The following PRUNE2 variants were observed in gnomAD, a reference collection of about 807,000 sequenced individuals.
PRUNE2 encodes protein prune homolog 2.
In PRUNE2, 164 loss-of-function variants were observed where a neutral mutation model predicts 252.0. The ratio of observed to expected loss-of-function variants is 0.65; its 90% CI spans 0.57 to 0.74. The LOEUF is 0.74. PRUNE2 is among the 30% of genes least tolerant of loss of function. The pLI is 0.00. For synonymous variants in PRUNE2, 1,292 were observed against 1,350.2 expected, an observed-to-expected ratio of 0.96 and a Z score of 0.94; for missense variants, 3,495 against 3,711.0, an observed-to-expected ratio of 0.94 and a Z score of 1.51.
chr9:76,713,402 TA>T (rs1484360295), intron 7 of PRUNE2, among the ~76,000 whole-genome samples, 160 bp downstream of exon 7: 1 of 152,164 alleles, frequency 6.6e-6, no homozygotes, highest in Non-Finnish European at 1.5e-5. Flanking sequence ...AGGCCAAATG[TA>T]AAAAGTACCC....
At chr9:76,731,288 A>C (rs7852129) in intron 6 of PRUNE2, among the ~76,000 whole-genome samples, 11,717 of 71,490 alleles carry the variant, frequency 0.16, 1,403 homozygotes, top group African/African-American at 0.41. Flanking sequence ...CTCTCTATCT[A>C]TCTATCTATC....
At position 76,743,915 on chromosome 9, in the gene PRUNE2, A is replaced by G. The variant is rs546371163; in HGVS notation, c.757-30194T>C. Among the ~76,000 whole-genome samples, 3 of 152,354 alleles carry G rather than the reference A, an allele frequency of 2.0e-5. No homozygotes were observed. The East Asian group carries it at 5.8e-4, about 29-fold the overall frequency. ...TTGCATCATTTTTCTTAATAAAACA[A>G]GCTAGCATTCTTTTTGCAATTTAAA... On this transcript the variant is annotated intron_variant, in intron 6 of 18. Transcript: ENST00000376718.
intron 6 of PRUNE2, among the ~76,000 whole-genome samples, chr9:76,766,471 T>C (rs928524661): frequency 1.3e-5 from 2 of 152,174 alleles, no homozygotes; most frequent in Non-Finnish European, 2.9e-5. Flanking sequence ...AAAACACATA[T>C]TAGATTCTGC....
intron 4 of PRUNE2, among the ~76,000 whole-genome samples, chr9:76,843,000 C>A (rs887888877): frequency 7.9e-5 from 12 of 152,272 alleles, no homozygotes; most frequent in East Asian, 3.9e-4. Context: ...GATTATAAAT[C>A]ATTCTATCAT....
intron 7 of PRUNE2, among the ~76,000 whole-genome samples, chr9:76,712,725 G>C (rs577324266): frequency 6.6e-6 from 1 of 152,288 alleles, no homozygotes; most frequent in East Asian, 1.9e-4. Flanking sequence ...AAATGCAGAG[G>C]AAAGTGATGA....
At chr9:76,740,774 C>A (rs1433671592) in intron 6 of PRUNE2, among the ~76,000 whole-genome samples, 1 of 151,976 alleles carries the variant, frequency 6.6e-6, no homozygotes, top group African/African-American at 2.4e-5. Context: ...GGTAGATAAC[C>A]AAAATTCCTC....
At chr9:76,793,031 C>T (rs2055706991) in intron 6 of PRUNE2, among the ~76,000 whole-genome samples, 1 of 152,182 alleles carries the variant, frequency 6.6e-6, no homozygotes, top group Non-Finnish European at 1.5e-5. Flanking sequence ...AAGAATTTGT[C>T]CAAAGTTAAA....
intron 6 of PRUNE2, among the ~76,000 whole-genome samples, chr9:76,810,660 T>C (rs2057297608): frequency 6.6e-6 from 1 of 152,218 alleles, no homozygotes; most frequent in Non-Finnish European, 1.5e-5. Flanking sequence ...ACAGTAACTA[T>C]CCTAAATTAT....
chr9:76,644,852 G>A lies in PRUNE2; in HGVS notation c.8615C>T (p.Ala2872Val), dbSNP rs2132962180. The part of the protein sequence containing the change: ...QESESIPEYT[A>V]EEEREDNRLW... ...CCGGTTGTCCTCCCGTTCCTCTTCG[G>A]CCGTATATTCTGGAATAGACTCTGA... The change falls in exon 12 of 19, where the codon GCC becomes GTC. Residue 2872 changes from alanine (A) to valine (V), a missense_variant. By Grantham distance (64) the Ala-to-Val change is moderately conservative (BLOSUM62 0). Coordinates refer to ENST00000376718, the MANE Select transcript of PRUNE2 (RefSeq NM_015225.3). 3 of 1,613,856 alleles carry A rather than the reference G, an allele frequency of 1.9e-6. No individual in the cohort carries two copies. The East Asian group carries it at 6.7e-5, about 36-fold the overall frequency.
At chr9:76,768,359 A>T (rs575083645) in intron 6 of PRUNE2, among the ~76,000 whole-genome samples, 1 of 151,846 alleles carries the variant, frequency 6.6e-6, no homozygotes, top group African/African-American at 2.4e-5. Flanking sequence ...TGCCCAGTTA[A>T]TTTTTGTATT....
intron 1 of PRUNE2, among the ~76,000 whole-genome samples, chr9:76,867,480 G>A (rs2060917060): frequency 6.6e-6 from 1 of 152,306 alleles, no homozygotes; most frequent in Middle Eastern, 3.4e-3. Flanking sequence ...AGAGCTGTCA[G>A]GTTGATTCAG....
intron 13 of PRUNE2, among the ~76,000 whole-genome samples, chr9:76,637,975 T>C (rs780265553): frequency 4.6e-5 from 7 of 152,352 alleles, no homozygotes; most frequent in Non-Finnish European, 8.8e-5. Flanking sequence ...CAAAATTCTG[T>C]TCATCTTGGT....
At chr9:76,621,875 G>A (rs1832487709) in intron 17 of PRUNE2, among the ~76,000 whole-genome samples, 1 of 151,672 alleles carries the variant, frequency 6.6e-6, no homozygotes, top group Non-Finnish European at 1.5e-5. Flanking sequence ...TTGTAGAGAT[G>A]GAGTCCTGCT....
chr9:76,812,550 T>C (rs1184113876), intron 6 of PRUNE2, among the ~76,000 whole-genome samples: 1 of 152,244 alleles, frequency 6.6e-6, no homozygotes, highest in Non-Finnish European at 1.5e-5. Context: ...TCTACTACGA[T>C]ATCTCACAAA....
intron 9 of PRUNE2, among the ~76,000 whole-genome samples, chr9:76,691,454 C>G (rs1185546393): frequency 1.3e-5 from 2 of 152,170 alleles, no homozygotes; most frequent in African/African-American, 4.8e-5. Flanking sequence ...CAGTGAAATA[C>G]TGATATCCTT....
At chr9:76,642,449 G>A (rs1166712155) in intron 12 of PRUNE2, among the ~76,000 whole-genome samples, 1 of 152,200 alleles carries the variant, frequency 6.6e-6, no homozygotes. Flanking sequence ...CAACAGGTAG[G>A]ACACCTGGCA....
At chr9:76,696,574 C>G (rs1183534238) in intron 9 of PRUNE2, among the ~76,000 whole-genome samples, 1 of 152,104 alleles carries the variant, frequency 6.6e-6, no homozygotes, top group African/African-American at 2.4e-5. Context: ...TACAGGTGCC[C>G]GCCACCACAC....
chr9:76,625,143 A>C, intron 16 of PRUNE2: 1 of 906,320 alleles, frequency 1.1e-6, no homozygotes, highest in Non-Finnish European at 1.6e-6. Context: ...ATGACAGTCA[A>C]ATCATGAGAG....
intron 2 of PRUNE2, among the ~76,000 whole-genome samples, chr9:76,852,098 T>C (rs908760389): frequency 6.6e-5 from 10 of 152,200 alleles, no homozygotes; most frequent in African/African-American, 1.7e-4. Context: ...ATGTTTCCAG[T>C]GTATAAACCA....
Sources: allele counts gnomAD v4.1 joint callset (sites outside exome capture counted in the v4.1 genomes callset), GRCh38; gene constraint gnomAD v4.1.1; transcripts MANE v1.5; gene names NCBI Gene and HGNC (gene_info 2026-07-23, HGNC 2026-07-21).